RABGAP1L: variants seen among roughly 807,000 people sequenced by gnomAD.
The protein encoded by RABGAP1L is rab GTPase-activating protein 1-like.
Under a neutral mutation model 137.7 loss-of-function variants are expected in RABGAP1L, and 63 were observed. The observed-to-expected ratio is 0.46, with a 90% CI of 0.37 to 0.56. The LOEUF is 0.56. Ranked by LOEUF, RABGAP1L falls within the 20% of genes least tolerant of loss-of-function variation. The pLI, the probability that RABGAP1L is intolerant of heterozygous loss-of-function variation, is 0.00. For missense variants in RABGAP1L, 1,095 were observed against 1,244.0 expected (o/e 0.88, Z 1.80); for synonymous variants, 431 against 433.7 (o/e 0.99, Z 0.08).
At position 174,560,090 on chromosome 1, in the gene RABGAP1L, C is replaced by T. The variant is rs537853118; in HGVS notation, c.1711-77285C>T. On this transcript the variant is annotated intron_variant, in intron 13 of 25. Coordinates refer to ENST00000681986, the MANE Select transcript of RABGAP1L (RefSeq NM_001366446.1). ...CAGAGGTTGCAGTGAGCTGAGACCA[C>T]GCCACTGCACTCTAGCCTGGGCAAC... Among the ~76,000 whole-genome samples, 40 of 151,518 alleles carry T rather than the reference C, an allele frequency of 2.6e-4. No individual in the cohort carries two copies. The South Asian group carries it at 6.9e-3, about 26-fold the overall frequency.
At position 174,524,200 on chromosome 1, in the gene RABGAP1L, T is replaced by TG. The variant is rs1338408890; in HGVS notation, c.1711-113174dup. Among the ~76,000 whole-genome samples the TG allele has an allele frequency of 1.1e-4, 17 of 150,742 alleles. No individual in the cohort carries two copies. The East Asian group carries it at 1.2e-3, about 10-fold the overall frequency. ...GTAGTTCTATTGTTGTTGTTGTTGT[T>TG]GTTGTTGTTTTTTTAAGAAATCTCT... On this transcript the variant is annotated intron_variant, in intron 13 of 25. Transcript: ENST00000681986.
intron 1 of RABGAP1L, among the ~76,000 whole-genome samples, chr1:174,214,521 A>G (rs182231012): frequency 1.5e-4 from 23 of 152,364 alleles, no homozygotes; most frequent in Non-Finnish European, 1.5e-5. Context: ...AAGACCCAGA[A>G]TAGCCAAAAC....
intron 8 of RABGAP1L, among the ~76,000 whole-genome samples, chr1:174,274,697 G>A (rs573297147): frequency 3.3e-5 from 5 of 151,052 alleles, no homozygotes; most frequent in Admixed American, 1.3e-4. Flanking sequence ...AGAGGGTTTC[G>A]TTTACAAGTG....
At position 174,272,461 on chromosome 1, in the gene RABGAP1L, A is replaced by G; in HGVS notation, c.1034A>G (p.Asp345Gly). Residue 345 changes from aspartate to glycine, a missense_variant, in exon 8 of 26, where the codon GAC becomes GGC. Physicochemically the swap from Asp to Gly is moderately conservative, Grantham distance 94. This residue lies in a region of RABGAP1L where 112 missense variants were observed against 157.3 expected (regional missense o/e 0.71). Coordinates refer to ENST00000681986, the MANE Select transcript of RABGAP1L (RefSeq NM_001366446.1). ...CCAGGTCGAAACGTGAAGAACAGTG[A>G]CATGCATTTACTGGATATGGTAATG... is the stretch of plus-strand genomic sequence containing the variant. ...LSPGRNVKNS[D>G]MHLLDMESMG... The G allele has an allele frequency of 6.3e-7, 1 of 1,598,854 alleles. No individual in the cohort carries two copies. Among genetic ancestry groups the G allele is most frequent in the Non-Finnish European group, 8.5e-7 (1 of 1,174,356 alleles).
intron 13 of RABGAP1L, among the ~76,000 whole-genome samples, chr1:174,633,831 A>G (rs1384849334): frequency 3.8e-5 from 5 of 130,868 alleles, no homozygotes; most frequent in South Asian, 5.1e-4. Context: ...GGCTAGCCAT[A>G]TGTAGAAAGC....
chr1:174,183,586 T>C (rs1666554169), intron 1 of RABGAP1L, among the ~76,000 whole-genome samples: 1 of 152,238 alleles, frequency 6.6e-6, no homozygotes, highest in Non-Finnish European at 1.5e-5. Flanking sequence ...GTAAATTTGT[T>C]ACAGCTGATG....
chr1:174,919,458 GTC>G (rs1396174157), intron 19 of RABGAP1L, among the ~76,000 whole-genome samples: 1 of 152,214 alleles, frequency 6.6e-6, no homozygotes, highest in East Asian at 1.9e-4. Context: ...TGCCCTGAAT[GTC>G]TTACATGGCA....
intron 19 of RABGAP1L, among the ~76,000 whole-genome samples, chr1:174,819,381 C>T (rs1230300874): frequency 6.6e-6 from 1 of 151,948 alleles, no homozygotes; most frequent in African/African-American, 2.4e-5. Flanking sequence ...TCTTTGAGCA[C>T]CTACTATATG....
intron 19 of RABGAP1L, among the ~76,000 whole-genome samples, chr1:174,931,863 T>C (rs762431645): frequency 1.3e-5 from 2 of 152,192 alleles, no homozygotes; most frequent in Non-Finnish European, 2.9e-5. Context: ...AGATTGTACA[T>C]GTTGGCTTCT....
At chr1:174,718,582 A>G (rs1386134007) in intron 17 of RABGAP1L, among the ~76,000 whole-genome samples, 1 of 152,140 alleles carries the variant, frequency 6.6e-6, no homozygotes, top group African/African-American at 2.4e-5. Context: ...TAATAAGCCC[A>G]TTTATTTTTG....
At chr1:174,982,254 G>T (rs1671201408) in intron 23 of RABGAP1L, among the ~76,000 whole-genome samples, 1 of 151,970 alleles carries the variant, frequency 6.6e-6, no homozygotes, top group African/African-American at 2.4e-5. Flanking sequence ...ACCTACATTA[G>T]GTATTTCTCC....
intron 14 of RABGAP1L, among the ~76,000 whole-genome samples, chr1:174,667,329 A>C (rs184671001): frequency 6.6e-6 from 1 of 152,300 alleles, no homozygotes; most frequent in Admixed American, 6.5e-5. Flanking sequence ...TCTAAGAAGC[A>C]TAATTCAACA....
At chr1:174,610,490 A>G (rs1029201745) in intron 13 of RABGAP1L, among the ~76,000 whole-genome samples, 11 of 152,060 alleles carry the variant, frequency 7.2e-5, no homozygotes, top group African/African-American at 1.9e-4. Flanking sequence ...AGTCTTTGCT[A>G]TTGTGAATAG....
intron 13 of RABGAP1L, among the ~76,000 whole-genome samples, chr1:174,618,522 A>G (rs1672126565): frequency 6.6e-6 from 1 of 152,238 alleles, no homozygotes; most frequent in Non-Finnish European, 1.5e-5. Flanking sequence ...GCTGATACCC[A>G]GGCAAACAGG....
intron 13 of RABGAP1L, among the ~76,000 whole-genome samples, chr1:174,555,492 A>G (rs1360669803): frequency 6.6e-6 from 1 of 152,098 alleles, no homozygotes; most frequent in Non-Finnish European, 1.5e-5. Flanking sequence ...TTCAACAAAC[A>G]TTTGTCGAGC....
intron 13 of RABGAP1L, among the ~76,000 whole-genome samples, chr1:174,444,221 A>G (rs1000546137): frequency 6.6e-6 from 1 of 150,836 alleles, no homozygotes; most frequent in African/African-American, 2.4e-5. Flanking sequence ...TGTCATTGGT[A>G]TTTTGAAAGG....
chr1:174,598,914 A>G (rs867591965), intron 13 of RABGAP1L, among the ~76,000 whole-genome samples: 10 of 152,020 alleles, frequency 6.6e-5, no homozygotes, highest in Middle Eastern at 3.4e-3. Flanking sequence ...CAATATTGTT[A>G]TTGATAAACT....
chr1:174,786,087 A>T (rs1169046257), intron 18 of RABGAP1L, among the ~76,000 whole-genome samples: 2 of 152,228 alleles, frequency 1.3e-5, no homozygotes, highest in Non-Finnish European at 2.9e-5. Flanking sequence ...TCTTCTCTAA[A>T]TATAATAACT....
chr1:174,372,519 A>G lies in RABGAP1L; in HGVS notation c.1559+1447A>G, dbSNP rs1012804335. ...AGAATGACAAAAGGGATGTTAACCT[A>G]TAACAAGGGTCATTAATGAAGAAGG... On this transcript the variant is annotated intron_variant, in intron 12 of 25. Transcript: ENST00000681986. Among the ~76,000 whole-genome samples the G allele has an allele frequency of 2.6e-5, 4 of 152,170 alleles. No individual in the cohort carries two copies. In the East Asian group the frequency reaches 5.8e-4, roughly 22 times the overall value.
Sources: allele counts gnomAD v4.1 joint callset (sites outside exome capture counted in the v4.1 genomes callset), GRCh38; gene constraint gnomAD v4.1.1; regional missense constraint gnomAD v4.1.1; transcripts MANE v1.5; gene names NCBI Gene and HGNC (gene_info 2026-07-23, HGNC 2026-07-21).